SGMS1: variants seen among roughly 807,000 people sequenced by gnomAD.
SGMS1 encodes the protein phosphatidylcholine:ceramide cholinephosphotransferase 1.
In SGMS1, 13 loss-of-function variants were observed where a neutral mutation model predicts 46.2. The observed-to-expected ratio is 0.28, with a 90% confidence interval of 0.18 to 0.45. SGMS1 has a LOEUF of 0.45. SGMS1 is among the 20% of genes least tolerant of loss of function. The probability of loss-of-function intolerance (pLI) is 1.00; values close to 1 mark genes in which losing one functional copy is unlikely to be tolerated. For missense variants in SGMS1, 324 were observed against 519.9 expected, an observed-to-expected ratio of 0.62 and a Z score of 3.66; for synonymous variants, 203 against 187.8, an observed-to-expected ratio of 1.08 and a Z score of -0.66.
At chr10:50,396,262 C>T (rs1370903141) in intron 6 of SGMS1, among the ~76,000 whole-genome samples, 2 of 152,182 alleles carry the variant, frequency 1.3e-5, no homozygotes, top group African/African-American at 4.8e-5. Context: ...CTCTTCTCCT[C>T]TCTTTACTTC....
intron 8 of SGMS1, among the ~76,000 whole-genome samples, chr10:50,317,015 CCATGTGCT>C (rs1280014548): frequency 6.6e-6 from 1 of 152,170 alleles, no homozygotes; most frequent in Non-Finnish European, 1.5e-5. Context: ...AATGCTAACA[CCATGTGCT>C]CATGAACAGA....
chr10:50,583,010 G>A (rs1230198417), intron 2 of SGMS1, among the ~76,000 whole-genome samples: 1 of 152,198 alleles, frequency 6.6e-6, no homozygotes, highest in Non-Finnish European at 1.5e-5. Flanking sequence ...TAATAACCAG[G>A]GATAGAGAGG....
chr10:50,595,283 C>A (rs1320109220), intron 1 of SGMS1, among the ~76,000 whole-genome samples: 2 of 152,062 alleles, frequency 1.3e-5, no homozygotes, highest in Non-Finnish European at 2.9e-5. Flanking sequence ...TCAAGCAATT[C>A]TCCTGTCTCA....
rs375650607 is a variant in SGMS1 at position 50,459,240 on chromosome 10, C to G, written c.-313+1433G>C. Among the ~76,000 whole-genome samples, 5 of 151,996 alleles carry G rather than the reference C, an allele frequency of 3.3e-5. No individual in the cohort carries two copies. In the East Asian group the frequency reaches 7.7e-4, roughly 23 times the overall value. ...GGGCATATTTTAATAATGTCTCATACCAATAATATATTCTCAGTGATATTA... is the reference window on the plus strand; with the variant it reads ...GGGCATATTTTAATAATGTCTCATAGCAATAATATATTCTCAGTGATATTA... On this transcript the variant is annotated intron_variant, in intron 5 of 10. Transcript: ENST00000361781.
At chr10:50,458,339 C>CTCTTTT (rs1486288081) in intron 5 of SGMS1, among the ~76,000 whole-genome samples, 6 of 97,142 alleles carry the variant, frequency 6.2e-5, no homozygotes, top group Non-Finnish European at 1.1e-4. Context: ...TTCTTTTTCT[C>CTCTTTT]TTTTTTTTTT....
At chr10:50,440,580 A>G (rs1203398) in intron 5 of SGMS1, among the ~76,000 whole-genome samples, 80,026 of 151,982 alleles carry the variant, frequency 0.53, 21,564 homozygotes, top group Non-Finnish European at 0.59. Flanking sequence ...TGTTTACCAC[A>G]TGCTAGGCTC....
intron 6 of SGMS1, among the ~76,000 whole-genome samples, chr10:50,359,879 TCCACAGGGAAAAAAGGGTTAA>T: frequency 1.3e-5 from 2 of 152,250 alleles, no homozygotes; most frequent in East Asian, 3.9e-4. Context: ...ATTACAAATA[TCCACAGGGAAAAAAGGGTTAA>T]CTTCTTAACC....
intron 3 of SGMS1, among the ~76,000 whole-genome samples, chr10:50,504,154 G>T (rs1002010052): frequency 2.6e-5 from 4 of 152,202 alleles, no homozygotes; most frequent in African/African-American, 9.7e-5. Flanking sequence ...AATTCATCAT[G>T]CAGGGTACCT....
At chr10:50,548,121 C>T (rs1002321141) in intron 2 of SGMS1, among the ~76,000 whole-genome samples, 1 of 152,106 alleles carries the variant, frequency 6.6e-6, no homozygotes, top group Admixed American at 6.6e-5. Flanking sequence ...AAAAATGGCA[C>T]AAGACAAGTG....
rs1389443916 is a variant in SGMS1 at position 50,307,645 on chromosome 10, T to C, written c.1063-324A>G. 6.6e-6 allele frequency among the ~76,000 whole-genome samples: 1 copy of C among 152,198 alleles called. No homozygotes were observed. The highest frequency in any genetic ancestry group is 1.5e-5 in the Non-Finnish European group (1 of 68,020). On this transcript the variant is annotated intron_variant, in intron 10 of 10. Transcript: ENST00000361781. This position sits in a 1 kb window ranked among gnomAD's most constrained non-coding sequence, Gnocchi z 4.2. ...TGTTAACACTTAATTAAATGTTAAA[T>C]ATTAAGCTTGTGATGTGCCCCGGGT...
At chr10:50,405,424 A>G (rs1848999145) in intron 6 of SGMS1, among the ~76,000 whole-genome samples, 1 of 152,240 alleles carries the variant, frequency 6.6e-6, no homozygotes, top group Admixed American at 6.5e-5. Context: ...AGGTTCAAGG[A>G]CAAGGCTGAG....
intron 1 of SGMS1, among the ~76,000 whole-genome samples, chr10:50,598,034 A>G (rs896689222): frequency 6.6e-6 from 1 of 151,786 alleles, no homozygotes; most frequent in Non-Finnish European, 1.5e-5. Context: ...AAAAGAAAAA[A>G]AAATTCACAG....
chr10:50,622,110 CTTT>C (rs941994331), intron 1 of SGMS1, among the ~76,000 whole-genome samples: 3 of 152,184 alleles, frequency 2.0e-5, no homozygotes, highest in African/African-American at 7.2e-5. Context: ...TTGCTTGCTT[CTTT>C]GCTTGGCCAC....
intron 2 of SGMS1, among the ~76,000 whole-genome samples, chr10:50,561,678 T>C (rs1034258302): frequency 2.0e-5 from 3 of 152,228 alleles, no homozygotes; most frequent in African/African-American, 7.2e-5. Context: ...ATCCATGTGG[T>C]GCTTGCAATG....
intron 3 of SGMS1, among the ~76,000 whole-genome samples, chr10:50,475,263 C>T (rs189588555): frequency 1.5e-3 from 222 of 152,240 alleles, no homozygotes; most frequent in African/African-American, 5.2e-3. Context: ...TGGATATTAA[C>T]CAATTTTGTT....
intron 6 of SGMS1, among the ~76,000 whole-genome samples, chr10:50,358,637 C>T (rs1022273457): frequency 1.3e-5 from 2 of 152,106 alleles, no homozygotes; most frequent in African/African-American, 2.4e-5. Flanking sequence ...TGCAGTAAGC[C>T]GAGATCCTGT....
Position 50,440,663 on chromosome 10 carries a change from C to T in SGMS1, c.-312-7107G>A, listed in dbSNP as rs369752395. On this transcript the variant is annotated intron_variant, in intron 5 of 10. Coordinates refer to ENST00000361781, the MANE Select transcript of SGMS1 (RefSeq NM_147156.4). ...TGTTGCTCAGGCTGGGGTGCAGTGG[C>T]GCAATCATTGCTTGCTGCAGCCACG... Among the ~76,000 whole-genome samples the T allele has an allele frequency of 2.6e-5, 4 of 152,140 alleles. No individual in the cohort carries two copies. The East Asian group carries it at 7.7e-4, about 29-fold the overall frequency.
chr10:50,591,690 T>A (rs573624130), intron 1 of SGMS1, among the ~76,000 whole-genome samples: 1 of 152,328 alleles, frequency 6.6e-6, no homozygotes, highest in South Asian at 2.1e-4. Flanking sequence ...AACCTCTCCA[T>A]AATGAAAGGC....
chr10:50,438,462 T>C (rs1001701756), intron 5 of SGMS1, among the ~76,000 whole-genome samples: 1 of 152,130 alleles, frequency 6.6e-6, no homozygotes, highest in Non-Finnish European at 1.5e-5. Context: ...ATCCTGCCAA[T>C]CACACGGGCT....
Sources: allele counts gnomAD v4.1 joint callset (sites outside exome capture counted in the v4.1 genomes callset), GRCh38; gene constraint gnomAD v4.1.1; non-coding constraint Gnocchi (gnomAD v3.1); transcripts MANE v1.5; gene names NCBI Gene and HGNC (gene_info 2026-07-23, HGNC 2026-07-21).